FAM171B: variants seen among roughly 807,000 people sequenced by gnomAD.
FAM171B encodes family with sequence similarity 171 member B, also known as protein FAM171B.
In FAM171B, 19 loss-of-function variants were observed where a neutral mutation model predicts 75.6. The observed-to-expected ratio is 0.25, with a 90% CI of 0.18 to 0.37. FAM171B has a LOEUF of 0.37. FAM171B is among the 10% of genes least tolerant of loss of function. The probability of loss-of-function intolerance (pLI) is 1.00; values close to 1 mark genes in which losing one functional copy is unlikely to be tolerated. For missense variants in FAM171B, 848 were observed against 982.4 expected (o/e 0.86, Z 1.83); for synonymous variants, 367 against 361.7 (o/e 1.01, Z -0.17).
intron 6 of FAM171B, among the ~76,000 whole-genome samples, chr2:186,759,849 C>T (rs773684869): frequency 3.9e-5 from 6 of 151,986 alleles, no homozygotes; most frequent in Non-Finnish European, 7.4e-5. Context: ...GGGTATTACT[C>T]AATAAATCTT....
At position 186,762,342 on chromosome 2, in the gene FAM171B, C is replaced by T. The variant is rs373520693; in HGVS notation, c.2000C>T (p.Ser667Phe). 1.8e-5 allele frequency: 29 copies of T among 1,613,620 alleles called. No individual in the cohort carries two copies. The Admixed American group carries it at 2.2e-4, about 12-fold the overall frequency. ...TLLELSKGKP[S>F]PHPRAWFVSL... ...CTGGAGCTGTCCAAAGGAAAGCCCT[C>T]CCCGCATCCCAGAGCCTGGTTTGTG... is the stretch of plus-strand genomic sequence containing the variant. Residue 667 changes from serine to phenylalanine, a missense_variant, in exon 8 of 8, where the codon TCC becomes TTC. Transcript: ENST00000304698. This position sits in a 1 kb window ranked among gnomAD's most constrained non-coding sequence, Gnocchi z 4.0.
intron 1 of FAM171B, among the ~76,000 whole-genome samples, chr2:186,718,720 G>A (rs966881572): frequency 6.6e-6 from 1 of 152,054 alleles, no homozygotes. Flanking sequence ...TACTGGACCT[G>A]GCATTTTACT....
At chr2:186,710,587 A>G (rs776604594) in intron 1 of FAM171B, among the ~76,000 whole-genome samples, 4 of 152,078 alleles carry the variant, frequency 2.6e-5, no homozygotes, top group Non-Finnish European at 4.4e-5. Context: ...CTAGGCCCCA[A>G]CACCGTCTGT....
At chr2:186,725,162 G>C (rs548242268) in intron 1 of FAM171B, among the ~76,000 whole-genome samples, 2 of 150,232 alleles carry the variant, frequency 1.3e-5, no homozygotes, top group African/African-American at 4.9e-5. Context: ...GGCTAACACG[G>C]TGAAACCCTG....
In FAM171B at chr2:186,762,538, G is replaced by T; in HGVS notation, c.2196G>T (p.Gln732His). The change falls in exon 8 of 8, where the codon CAG becomes CAT. Residue 732 changes from glutamine to histidine, a missense_variant. Physicochemically the swap from Gln to His is conservative, Grantham distance 24 (BLOSUM62 0). This residue lies in a region of FAM171B where 136 missense variants were observed against 159.3 expected (regional missense o/e 0.85). Transcript: ENST00000304698. The surrounding 1 kb of genome is among the most constrained non-coding windows in gnomAD (Gnocchi z 4.0). ...REKTFIKSMH[Q>H]PKILYLEDLD... ...AAACATTCATCAAAAGCATGCATCAGCCCAAGATCCTTTACTTAGAAGATT... is the reference window on the plus strand; with the variant it reads ...AAACATTCATCAAAAGCATGCATCATCCCAAGATCCTTTACTTAGAAGATT... The T allele has an allele frequency of 6.2e-7, 1 of 1,613,536 alleles. No homozygotes were observed. Among genetic ancestry groups the T allele is most frequent in the Admixed American group, 1.7e-5 (1 of 59,908 alleles).
At position 186,764,093 on chromosome 2, in the gene FAM171B, A is replaced by G. The variant is rs369296624; in HGVS notation, c.*1270A>G. 1.1e-4 allele frequency: 17 copies of G among 152,092 alleles called. No homozygotes were observed. Among genetic ancestry groups the G allele is most frequent in the African/African-American group, 2.9e-4 (12 of 41,438 alleles). 9.4% of individuals were successfully genotyped at this position (152,092 alleles called of 1,614,324 possible). A position where few individuals can be genotyped will look rare whatever the true frequency, so the allele number is the denominator to read the frequency against. ...TACCATTCATACATCCTAAAAATAAAAGCTCGTTATTCATTAAAATCAACT... is the reference window on the plus strand; with the variant it reads ...TACCATTCATACATCCTAAAAATAAGAGCTCGTTATTCATTAAAATCAACT... On this transcript the variant is annotated 3_prime_UTR_variant, in exon 8 of 8. Coordinates refer to ENST00000304698, the MANE Select transcript of FAM171B (RefSeq NM_177454.4).
rs202081542 is a variant in FAM171B, at chr2:186,751,254, A to C, written c.845A>C (p.Asp282Ala). 3.7e-6 allele frequency: 6 copies of C among 1,610,308 alleles called. No homozygotes were observed. Among genetic ancestry groups the C allele is most frequent in the Non-Finnish European group, 5.1e-6 (6 of 1,177,584 alleles). ...TCTCTTCCTCTTCTACGTCTGAATG[A>C]TATAAGTGCAGGGGATCGCATACCT... Reference protein sequence around the residue: ...QVSLPLLRLNDISAGDRIPAW... With the variant: ...QVSLPLLRLNAISAGDRIPAW... The change falls in exon 5 of 8, where the codon GAT becomes GCT. Residue 282 changes from aspartate to alanine, a missense_variant. Physicochemically the swap from Asp to Ala is moderately radical, Grantham distance 126. Coordinates refer to ENST00000304698, the MANE Select transcript of FAM171B (RefSeq NM_177454.4).
chr2:186,759,493 T>G (rs991303894), intron 6 of FAM171B, among the ~76,000 whole-genome samples: 1 of 152,258 alleles, frequency 6.6e-6, no homozygotes, highest in East Asian at 1.9e-4. Context: ...CTCTACATCC[T>G]CACCAGCATT....
intron 1 of FAM171B, among the ~76,000 whole-genome samples, chr2:186,717,797 T>G (rs1345906173): frequency 2.6e-5 from 4 of 152,172 alleles, no homozygotes; most frequent in Non-Finnish European, 5.9e-5. Flanking sequence ...TCTTGCTGTG[T>G]GTTTCCAAAG....
intron 1 of FAM171B, among the ~76,000 whole-genome samples, chr2:186,710,177 A>AACTGAGAC (rs1407901526): frequency 7.2e-5 from 11 of 152,054 alleles, no homozygotes; most frequent in African/African-American, 2.7e-4. Context: ...AGGCTGGGGG[A>AACTGAGAC]ACTGAGACAC....
intron 1 of FAM171B, among the ~76,000 whole-genome samples, chr2:186,738,266 G>T (rs764164901): frequency 6.6e-6 from 1 of 152,136 alleles, no homozygotes; most frequent in Non-Finnish European, 1.5e-5. Flanking sequence ...TCTGCTGCCC[G>T]CAGTTTGGTG....
chr2:186,725,208 G>A (rs1225953914), intron 1 of FAM171B, among the ~76,000 whole-genome samples: 1 of 151,972 alleles, frequency 6.6e-6, no homozygotes, highest in Non-Finnish European at 1.5e-5. Flanking sequence ...GCCGGGCGTG[G>A]TGGCAGGCAC....
chr2:186,740,949 G>T (rs1690280745), intron 2 of FAM171B, among the ~76,000 whole-genome samples: 1 of 152,130 alleles, frequency 6.6e-6, no homozygotes, highest in Non-Finnish European at 1.5e-5. Flanking sequence ...AATCTTTAAA[G>T]AATAAATGTG....
At chr2:186,758,839 C>G (rs1690573263) in intron 6 of FAM171B, among the ~76,000 whole-genome samples, 1 of 152,002 alleles carries the variant, frequency 6.6e-6, no homozygotes, top group African/African-American at 2.4e-5. Context: ...TAATCATACT[C>G]TTTATTTTTA....
At chr2:186,729,822 A>G (rs561797563) in intron 1 of FAM171B, among the ~76,000 whole-genome samples, 39 of 152,292 alleles carry the variant, frequency 2.6e-4, no homozygotes, top group African/African-American at 8.9e-4. Context: ...GTTAGTAAAT[A>G]TGATGAAAAC....
intron 1 of FAM171B, among the ~76,000 whole-genome samples, chr2:186,714,536 A>G (rs1452123395): frequency 6.6e-6 from 1 of 152,212 alleles, no homozygotes; most frequent in Non-Finnish European, 1.5e-5. Flanking sequence ...TTTACTAAAA[A>G]TTCCTAGTCA....
intron 1 of FAM171B, among the ~76,000 whole-genome samples, chr2:186,699,192 A>G (rs1157685558): frequency 1.3e-5 from 2 of 152,086 alleles, no homozygotes; most frequent in East Asian, 3.9e-4. Context: ...TAGTTTTTTG[A>G]GGAACCTCCT....
chr2:186,711,858 GC>G (rs1376213002), intron 1 of FAM171B, among the ~76,000 whole-genome samples: 1 of 152,052 alleles, frequency 6.6e-6, no homozygotes, highest in African/African-American at 2.4e-5. Flanking sequence ...TCTCCATGAG[GC>G]TTTTTTGGTC....
intron 6 of FAM171B, among the ~76,000 whole-genome samples, chr2:186,758,586 G>T (rs971137310): frequency 8.6e-5 from 13 of 152,014 alleles, no homozygotes; most frequent in South Asian, 2.1e-4. Context: ...TTATTATATA[G>T]CTTTTTGAGC....
Sources: allele counts gnomAD v4.1 joint callset (sites outside exome capture counted in the v4.1 genomes callset), GRCh38; gene constraint gnomAD v4.1.1; regional missense constraint gnomAD v4.1.1; non-coding constraint Gnocchi (gnomAD v3.1); transcripts MANE v1.5; gene names NCBI Gene and HGNC (gene_info 2026-07-23, HGNC 2026-07-21).